CNGA1: variants seen among roughly 807,000 people sequenced by gnomAD.
The protein encoded by CNGA1 is cyclic nucleotide-gated channel alpha-1.
Under a neutral mutation model 69.7 loss-of-function variants are expected in CNGA1, and 53 were observed. The ratio of observed to expected loss-of-function variants is 0.76; its 90% CI spans 0.61 to 0.96. CNGA1 has a LOEUF of 0.96. CNGA1 is among the 40% of genes least tolerant of loss of function. CNGA1 has a pLI of 0.00. For synonymous variants in CNGA1, 249 were observed against 283.5 expected (o/e 0.88, Z 1.22); for missense variants, 739 against 811.2 (o/e 0.91, Z 1.08).
intron 10 of CNGA1, among the ~76,000 whole-genome samples, chr4:47,940,558 T>C (rs1283714350): frequency 6.6e-6 from 1 of 152,228 alleles, no homozygotes; most frequent in Non-Finnish European, 1.5e-5. Flanking sequence ...GTCAAAAAGT[T>C]GCCTGGTAAC....
At chr4:47,985,919 C>A (rs321620) in intron 2 of CNGA1, among the ~76,000 whole-genome samples, 43,852 of 151,998 alleles carry the variant, frequency 0.29, 6,999 homozygotes, top group African/African-American at 0.43. Flanking sequence ...TTAGGTTTTT[C>A]TGAGACTTAA....
intron 3 of CNGA1, among the ~76,000 whole-genome samples, chr4:47,970,662 A>AG (rs1553866476): frequency 7.0e-6 from 1 of 143,884 alleles, no homozygotes; most frequent in African/African-American, 2.5e-5. Context: ...AAAAAAAAAA[A>AG]GAAAGAAAAC....
chr4:47,997,784 C>T (rs889582608), intron 2 of CNGA1, among the ~76,000 whole-genome samples: 1 of 152,142 alleles, frequency 6.6e-6, no homozygotes, highest in Non-Finnish European at 1.5e-5. Context: ...GACAGCTTCA[C>T]AAATAAATCA....
chr4:48,003,516 G>A (rs112083200), intron 2 of CNGA1, among the ~76,000 whole-genome samples: 28,983 of 152,086 alleles, frequency 0.19, 2,928 homozygotes, highest in East Asian at 0.26. Context: ...GACACGAGCT[G>A]TTCCAGTATA....
At position 47,936,362 on chromosome 4, in the gene CNGA1, C is replaced by A; in HGVS notation, c.*59G>T. On this transcript the variant is annotated 3_prime_UTR_variant, in exon 11 of 11. Coordinates refer to ENST00000514170, the MANE Select transcript of CNGA1 (RefSeq NM_001379270.1). The stretch of plus-strand genomic sequence containing the variant: ...TCTTCTTTTAAATTTTAGTTGATGT[C>A]AGTCATAGGATCAAAAGGATCATGA... 6.4e-7 allele frequency: 1 copy of A among 1,569,868 alleles called. No homozygotes were observed. The highest frequency in any genetic ancestry group is 8.8e-7 in the Non-Finnish European group (1 of 1,140,638).
At chr4:47,959,894 C>A (rs1740324209) in intron 3 of CNGA1, among the ~76,000 whole-genome samples, 1 of 152,092 alleles carries the variant, frequency 6.6e-6, no homozygotes, top group African/African-American at 2.4e-5. Flanking sequence ...TTGTGAGCCA[C>A]CACGTCCAGC....
intron 1 of CNGA1, among the ~76,000 whole-genome samples, chr4:48,015,784 G>C (rs1715351718): frequency 6.6e-6 from 1 of 152,126 alleles, no homozygotes; most frequent in African/African-American, 2.4e-5. Flanking sequence ...TTTTTGTAGA[G>C]ACAGGGTTTC....
chr4:48,008,838 T>C (rs2109354029), intron 2 of CNGA1, among the ~76,000 whole-genome samples: 1 of 152,334 alleles, frequency 6.6e-6, no homozygotes, highest in South Asian at 2.1e-4. Flanking sequence ...AAGACAGTAA[T>C]AGTCCTTTCC....
chr4:48,011,903 C>T (rs1238307605), intron 1 of CNGA1, among the ~76,000 whole-genome samples: 1 of 152,086 alleles, frequency 6.6e-6, no homozygotes, highest in Non-Finnish European at 1.5e-5. Flanking sequence ...ATAGTGGCGG[C>T]CCTTAAAGAC....
At chr4:47,972,612 T>A (rs1486641710) in intron 3 of CNGA1, among the ~76,000 whole-genome samples, 1 of 152,242 alleles carries the variant, frequency 6.6e-6, no homozygotes, top group Non-Finnish European at 1.5e-5. Flanking sequence ...CATTTACTAG[T>A]GAAGTTAGAC....
chr4:47,943,252 TGGG>T lies in CNGA1; in HGVS notation c.363_365del (p.Asp121_Pro122delinsGlu). 6.3e-7 allele frequency: 1 copy of T among 1,575,372 alleles called. No homozygotes were observed. Among genetic ancestry groups the T allele is most frequent in the South Asian group, 1.2e-5 (1 of 85,924 alleles). ...TGTCCTTTTTCTTCTTTTTCTTCTC[TGGG>T]TCGTTTTTATTTTCGTTTTTATCAT... On this transcript the variant is annotated inframe_deletion, in exon 8 of 11. Transcript: ENST00000514170.
intron 6 of CNGA1, among the ~76,000 whole-genome samples, chr4:47,944,302 T>C (rs73147911): frequency 0.042 from 6,438 of 152,260 alleles, 470 homozygotes; most frequent in African/African-American, 0.15. Context: ...GGAAAGCCTC[T>C]GTTAAGAAGA....
Position 47,940,866 on chromosome 4 carries a change from T to G in CNGA1, c.549A>C (p.Ala183=). 1 of 1,599,124 alleles carries G rather than the reference T, an allele frequency of 6.3e-7. No homozygotes were observed. Among genetic ancestry groups the G allele is most frequent in the Non-Finnish European group, 8.6e-7 (1 of 1,168,072 alleles). ...AATCAGATTGAAGTTCATCAAAACATGCTCTATAAAAAAAGAAACACTTGT... is the reference window on the plus strand; with the variant it reads ...AATCAGATTGAAGTTCATCAAAACAGGCTCTATAAAAAAAGAAACACTTGT... ...MYNWTMVIAR[A]CFDELQSDYL... Residue 183 remains alanine, a synonymous_variant, in exon 10 of 11, where the codon GCA becomes GCC. Transcript: ENST00000514170.
At chr4:47,939,955 G>A (rs1738969225) in intron 10 of CNGA1, among the ~76,000 whole-genome samples, 1 of 152,104 alleles carries the variant, frequency 6.6e-6, no homozygotes, top group Admixed American at 6.5e-5. Context: ...TTACCCCTTC[G>A]ATGTGAAGCA....
intron 2 of CNGA1, among the ~76,000 whole-genome samples, chr4:48,004,041 C>T (rs113595406): frequency 0.057 from 8,607 of 152,268 alleles, 439 homozygotes; most frequent in East Asian, 0.31. Context: ...TCTAGTCCGC[C>T]TTCATGTTCC....
At chr4:47,953,984 C>G (rs1441313733) in intron 3 of CNGA1, among the ~76,000 whole-genome samples, 3 of 152,090 alleles carry the variant, frequency 2.0e-5, no homozygotes, top group East Asian at 3.9e-4. Context: ...TGAGACCACT[C>G]TAGCTGTCAC....
Position 47,949,827 on chromosome 4 carries a change from A to G in CNGA1, c.287+6T>C, listed in dbSNP as rs757312336. On this transcript the variant is annotated splice_donor_region_variant and intron_variant, in intron 6 of 10. Transcript: ENST00000514170. ...AACTTTGGTTTTCTATTGTAAATATACTTACTGGTCCTTATTGCTGCTGTT... is the reference window on the plus strand; with the variant it reads ...AACTTTGGTTTTCTATTGTAAATATGCTTACTGGTCCTTATTGCTGCTGTT... 1.9e-6 allele frequency: 3 copies of G among 1,612,862 alleles called. No homozygotes were observed. The East Asian group carries it at 6.7e-5, about 36-fold the overall frequency.
intron 6 of CNGA1, among the ~76,000 whole-genome samples, chr4:47,948,978 T>C (rs934296882): frequency 4.6e-5 from 7 of 152,182 alleles, no homozygotes; most frequent in Non-Finnish European, 1.0e-4. Context: ...AGACCTTAGT[T>C]TAATCCCATT....
intron 2 of CNGA1, among the ~76,000 whole-genome samples, chr4:48,005,756 A>C (rs909516731): frequency 6.6e-6 from 1 of 152,236 alleles, no homozygotes; most frequent in Non-Finnish European, 1.5e-5. Flanking sequence ...TGATTCCATA[A>C]GCCAAGTTTG....
Sources: allele counts gnomAD v4.1 joint callset (sites outside exome capture counted in the v4.1 genomes callset), GRCh38; gene constraint gnomAD v4.1.1; transcripts MANE v1.5; gene names NCBI Gene and HGNC (gene_info 2026-07-23, HGNC 2026-07-21).